PRDM16: variants seen among roughly 807,000 people sequenced by gnomAD.
PRDM16 encodes the protein histone-lysine N-methyltransferase PRDM16.
PRDM16 carries 23 observed loss-of-function variants against 110.6 expected under a neutral mutation model. The ratio of observed to expected loss-of-function variants is 0.21; its 90% CI spans 0.15 to 0.29. The LOEUF (loss-of-function observed/expected upper bound fraction) is 0.29, where lower values mean the gene tolerates loss of function less well. PRDM16 is among the 10% of genes least tolerant of loss of function. The pLI is 1.00. For missense variants in PRDM16, 1,615 were observed against 1,794.3 expected (o/e 0.90, Z 1.81); for synonymous variants, 799 against 781.8 (o/e 1.02, Z -0.37).
chr1:3,194,675 G>A (rs545356159), intron 2 of PRDM16, among the ~76,000 whole-genome samples: 10 of 147,734 alleles, frequency 6.8e-5, no homozygotes, highest in South Asian at 4.3e-4. Flanking sequence ...ACATGCCACC[G>A]TCTGATCGCC....
chr1:3,177,251 CTCCA>C (rs1489282810), intron 1 of PRDM16, among the ~76,000 whole-genome samples: 6 of 152,170 alleles, frequency 3.9e-5, no homozygotes, highest in Non-Finnish European at 5.9e-5. Context: ...CTATTTATCT[CTCCA>C]TCCATCTATC....
At chr1:3,351,128 G>A (rs1169122148) in intron 3 of PRDM16, among the ~76,000 whole-genome samples, 1 of 152,176 alleles carries the variant, frequency 6.6e-6, no homozygotes, top group Non-Finnish European at 1.5e-5. Context: ...ATGTTCACCA[G>A]CTTGTGGGTC....
At chr1:3,256,386 G>T (rs1468945796) in intron 3 of PRDM16, among the ~76,000 whole-genome samples, 1 of 152,150 alleles carries the variant, frequency 6.6e-6, no homozygotes, top group African/African-American at 2.4e-5. Flanking sequence ...GACCCCTCAG[G>T]TCAGCTGTGG....
chr1:3,259,986 T>A (rs1640125793), intron 3 of PRDM16, among the ~76,000 whole-genome samples: 1 of 151,952 alleles, frequency 6.6e-6, no homozygotes, highest in South Asian at 2.1e-4. Context: ...CCCCTGCACT[T>A]CTTTGGGCCC....
intron 3 of PRDM16, among the ~76,000 whole-genome samples, chr1:3,287,128 C>T (rs528428342): frequency 1.3e-5 from 2 of 152,314 alleles, no homozygotes; most frequent in East Asian, 1.9e-4. Flanking sequence ...CCCACTGGGG[C>T]GGCAGCATGG....
chr1:3,315,611 A>T (rs1156493339), intron 3 of PRDM16, among the ~76,000 whole-genome samples: 1 of 152,182 alleles, frequency 6.6e-6, no homozygotes, highest in Non-Finnish European at 1.5e-5. Context: ...AGAACATGGC[A>T]CAGCCTGGAG....
At chr1:3,256,596 T>C (rs938836583) in intron 3 of PRDM16, among the ~76,000 whole-genome samples, 2 of 152,102 alleles carry the variant, frequency 1.3e-5, no homozygotes, top group East Asian at 1.9e-4. Flanking sequence ...TGGTGGCTCA[T>C]GCCTGTAATC....
intron 2 of PRDM16, among the ~76,000 whole-genome samples, chr1:3,228,620 A>G (rs1639343284): frequency 6.6e-6 from 1 of 152,194 alleles, no homozygotes; most frequent in African/African-American, 2.4e-5. Flanking sequence ...ACAACGTTGC[A>G]GCTGCCCCAG....
chr1:3,219,004 C>G (rs994145241), intron 2 of PRDM16, among the ~76,000 whole-genome samples: 6 of 152,214 alleles, frequency 3.9e-5, no homozygotes, highest in Admixed American at 2.6e-4. Context: ...AAGGAGGGGT[C>G]CTCGCGTCCA....
rs952875784 is a variant in PRDM16, at chr1:3,434,009, T to C, written c.*198T>C. The C allele has an allele frequency of 1.7e-6, 1 of 587,788 alleles. No homozygotes were observed. The highest frequency in any genetic ancestry group is 2.1e-5 in the South Asian group (1 of 47,306). 36.4% of individuals were successfully genotyped at this position (587,788 alleles called of 1,614,324 possible). ...CTAAAGCAGTCGTAGAGTCTCACCA[T>C]CTCCAAGGATTGGTCTTGAGAACAC... On this transcript the variant is annotated 3_prime_UTR_variant, in exon 17 of 17. Transcript: ENST00000270722.
intron 1 of PRDM16, among the ~76,000 whole-genome samples, chr1:3,083,161 A>T (rs1451870570): frequency 6.6e-6 from 1 of 152,144 alleles, no homozygotes; most frequent in Non-Finnish European, 1.5e-5. Flanking sequence ...GCTCCTCTGG[A>T]TGCGGCCTCC....
At chr1:3,409,648 G>A (rs1368294678) in intron 8 of PRDM16, among the ~76,000 whole-genome samples, 1 of 151,806 alleles carries the variant, frequency 6.6e-6, no homozygotes, top group African/African-American at 2.4e-5. Flanking sequence ...TCGCCGGGAT[G>A]TGTGTGTGTG....
At position 3,290,476 on chromosome 1, in the gene PRDM16, T is replaced by A. The variant is rs1232345966; in HGVS notation, c.438+46339T>A. Among the ~76,000 whole-genome samples the A allele has an allele frequency of 6.6e-6, 1 of 152,200 alleles. No homozygotes were observed. Among genetic ancestry groups the A allele is most frequent in the African/African-American group, 2.4e-5 (1 of 41,450 alleles). ...GCGGTGATTTTTCTCTTGAGGCCCC[T>A]GTGTCCTAGCATTTCTGAGCTCAAA... On this transcript the variant is annotated intron_variant, in intron 3 of 16. Coordinates refer to ENST00000270722, the MANE Select transcript of PRDM16 (RefSeq NM_022114.4). The surrounding 1 kb of genome is among the most constrained non-coding windows in gnomAD (Gnocchi z 4.8).
intron 3 of PRDM16, among the ~76,000 whole-genome samples, chr1:3,327,622 G>A (rs988776159): frequency 2.0e-5 from 3 of 152,246 alleles, no homozygotes; most frequent in African/African-American, 4.8e-5. Flanking sequence ...TGGGCCAGAA[G>A]CTGAGCCTTT....
chr1:3,368,328 T>C (rs1178457443), intron 3 of PRDM16, among the ~76,000 whole-genome samples: 1 of 152,184 alleles, frequency 6.6e-6, no homozygotes, highest in Non-Finnish European at 1.5e-5. Flanking sequence ...GCGGGGGTCT[T>C]GGCCACCAGA....
At chr1:3,154,265 C>T (rs2742659) in intron 1 of PRDM16, among the ~76,000 whole-genome samples, 20,017 of 152,162 alleles carry the variant, frequency 0.13, 1,359 homozygotes, top group Non-Finnish European at 0.15. Context: ...CACGGGCTGG[C>T]GCACTCTCCC....
At chr1:3,274,603 T>C (rs764825993) in intron 3 of PRDM16, among the ~76,000 whole-genome samples, 22 of 152,228 alleles carry the variant, frequency 1.4e-4, no homozygotes, top group Non-Finnish European at 2.5e-4. Flanking sequence ...AGTCAAACAA[T>C]AGCTAATTAC....
At chr1:3,194,916 C>T (rs909478518) in intron 2 of PRDM16, among the ~76,000 whole-genome samples, 2 of 152,218 alleles carry the variant, frequency 1.3e-5, no homozygotes, top group Admixed American at 1.3e-4. Context: ...CTCTGGGCAC[C>T]TCTGCTGCTC....
chr1:3,114,671 C>T (rs1361832310), intron 1 of PRDM16, among the ~76,000 whole-genome samples: 1 of 151,044 alleles, frequency 6.6e-6, no homozygotes, highest in Non-Finnish European at 1.5e-5. Context: ...CACAAACACA[C>T]ATGCACACAT....
Sources: allele counts gnomAD v4.1 joint callset (sites outside exome capture counted in the v4.1 genomes callset), GRCh38; gene constraint gnomAD v4.1.1; non-coding constraint Gnocchi (gnomAD v3.1); transcripts MANE v1.5; gene names NCBI Gene and HGNC (gene_info 2026-07-23, HGNC 2026-07-21).